Variants in EZH1 observed in about 807,000 individuals in gnomAD.
EZH1 encodes the protein enhancer of zeste 1 polycomb repressive complex 2 subunit, also known as histone-lysine N-methyltransferase EZH1.
In EZH1, 33 loss-of-function variants were observed where a neutral mutation model predicts 100.5. The observed-to-expected ratio is 0.33, with a 90% CI of 0.25 to 0.44. The LOEUF is 0.44. Among genes scored for constraint, EZH1 ranks in the 20% least tolerant of loss-of-function variants. The pLI is 1.00. For missense variants in EZH1, 475 were observed against 928.4 expected, an observed-to-expected ratio of 0.51 and a Z score of 6.35; for synonymous variants, 272 against 313.8, an observed-to-expected ratio of 0.87 and a Z score of 1.41.
chr17:42,718,435 A>G lies in EZH1; in HGVS notation c.931+19T>C. On this transcript the variant is annotated intron_variant, in intron 9 of 20. Transcript: ENST00000428826. This position sits in a 1 kb window ranked among gnomAD's most constrained non-coding sequence, Gnocchi z 4.2. ...GATGGAAGAGAGGAGAGCATTTCAAACAGAGTAGCCCCACTCACGGTGAAG... is the reference window on the plus strand; with the variant it reads ...GATGGAAGAGAGGAGAGCATTTCAAGCAGAGTAGCCCCACTCACGGTGAAG... 6.2e-7 allele frequency: 1 copy of G among 1,612,066 alleles called. No individual in the cohort carries two copies. The highest frequency in any genetic ancestry group is 8.5e-7 in the Non-Finnish European group (1 of 1,179,452).
chr17:42,730,487 CTTTTTTT>C (rs1156867481), intron 2 of EZH1, among the ~76,000 whole-genome samples: 6 of 66,660 alleles, frequency 9.0e-5, no homozygotes, highest in Admixed American at 8.6e-4. Flanking sequence ...AGTATGTATT[CTTTTTTT>C]TTTTTTTTTT....
chr17:42,705,583 G>A (rs561856036), intron 16 of EZH1: 6 of 180,758 alleles, frequency 3.3e-5, no homozygotes, highest in East Asian at 1.6e-4. Flanking sequence ...GCAGTGGTGC[G>A]ATCTCGGCTT....
intron 5 of EZH1, among the ~76,000 whole-genome samples, chr17:42,723,343 C>A (rs1450544342): frequency 6.6e-6 from 1 of 150,980 alleles, no homozygotes. Context: ...CCACTGTACT[C>A]CAGCCTGGCG....
chr17:42,704,958 C>T, intron 17 of EZH1, 130 bp downstream of exon 17: 1 of 804,052 alleles, frequency 1.2e-6, no homozygotes. Context: ...GTGGGATCTC[C>T]CCAAGAGGCC....
chr17:42,737,145 C>A (rs1436556738), intron 1 of EZH1, among the ~76,000 whole-genome samples: 1 of 152,090 alleles, frequency 6.6e-6, no homozygotes, highest in East Asian at 1.9e-4. Context: ...GCCACCGCGC[C>A]GAGCTAATTT....
chr17:42,739,713 G>A (rs1269982911), intron 1 of EZH1, among the ~76,000 whole-genome samples: 1 of 151,870 alleles, frequency 6.6e-6, no homozygotes, highest in Non-Finnish European at 1.5e-5. Flanking sequence ...AGCAACAAGA[G>A]TGAAATTCTG....
intron 2 of EZH1, among the ~76,000 whole-genome samples, chr17:42,729,707 C>A (rs1192057878): frequency 6.6e-6 from 1 of 150,708 alleles, no homozygotes; most frequent in Non-Finnish European, 1.5e-5. Flanking sequence ...CCACTGCACT[C>A]CAGCCTGGGT....
At chr17:42,730,368 A>G (rs375617405) in intron 2 of EZH1, among the ~76,000 whole-genome samples, 1 of 152,124 alleles carries the variant, frequency 6.6e-6, no homozygotes, top group African/African-American at 2.4e-5. Flanking sequence ...AAAGTAGGAT[A>G]TGACAGCAGT....
Position 42,735,147 on chromosome 17 carries a change from G to A in EZH1, c.-102-4229C>T, listed in dbSNP as rs1315451751. 2.6e-5 allele frequency among the ~76,000 whole-genome samples: 4 copies of A among 152,134 alleles called. No homozygotes were observed. In the East Asian group the frequency reaches 7.7e-4, roughly 29 times the overall value. On this transcript the variant is annotated intron_variant, in intron 1 of 20. Coordinates refer to ENST00000428826, the MANE Select transcript of EZH1 (RefSeq NM_001991.5). The stretch of plus-strand genomic sequence containing the variant: ...TCTACAGATGCTGTCGTGTCTGGCT[G>A]GCTGTGGTGGCTCATGCCTGTCATC...
At chr17:42,729,504 G>C (rs1365344060) in intron 2 of EZH1, among the ~76,000 whole-genome samples, 1 of 151,918 alleles carries the variant, frequency 6.6e-6, no homozygotes, top group African/African-American at 2.4e-5. Context: ...CAAGGTGGGT[G>C]GATCTTCTGA....
At chr17:42,710,526 C>G (rs1049991935) in intron 12 of EZH1, among the ~76,000 whole-genome samples, 2 of 151,534 alleles carry the variant, frequency 1.3e-5, no homozygotes, top group Non-Finnish European at 2.9e-5. Context: ...TTCTTGCATA[C>G]AAATCCATAG....
intron 1 of EZH1, among the ~76,000 whole-genome samples, chr17:42,739,136 C>T (rs919162255): frequency 6.6e-6 from 1 of 152,082 alleles, no homozygotes; most frequent in Non-Finnish European, 1.5e-5. Context: ...TAGGGGTGAA[C>T]CTATCCCTGC....
intron 2 of EZH1, among the ~76,000 whole-genome samples, chr17:42,730,484 ATTCT>A (rs999209563): frequency 2.3e-5 from 2 of 87,836 alleles, no homozygotes; most frequent in African/African-American, 8.8e-5. Flanking sequence ...AGAAGTATGT[ATTCT>A]TTTTTTTTTT....
chr17:42,733,863 C>A (rs189627231), intron 1 of EZH1, among the ~76,000 whole-genome samples: 2 of 144,318 alleles, frequency 1.4e-5, no homozygotes, highest in African/African-American at 5.2e-5. Context: ...ATCGATTGAA[C>A]ACAGGAGGTG....
intron 1 of EZH1, among the ~76,000 whole-genome samples, chr17:42,742,476 A>C (rs1249434314): frequency 1.2e-4 from 18 of 152,094 alleles, no homozygotes; most frequent in Non-Finnish European, 4.4e-5. Context: ...TAATGTAACC[A>C]TCATAATGAA....
chr17:42,733,640 CAAAA>C (rs1283971078), intron 1 of EZH1, among the ~76,000 whole-genome samples: 2 of 48,284 alleles, frequency 4.1e-5, no homozygotes, highest in African/African-American at 7.8e-5. Flanking sequence ...GACTCCATCT[CAAAA>C]AAAAAAAAAA....
rs1034685791 is a variant in EZH1, at chr17:42,718,998, T to G, written c.767+107A>C. 8.7e-6 allele frequency: 7 copies of G among 806,020 alleles called. No homozygotes were observed. Among genetic ancestry groups the G allele is most frequent in the Non-Finnish European group, 1.5e-5 (7 of 480,880 alleles). 49.9% of individuals were successfully genotyped at this position (806,020 alleles called of 1,614,324 possible). On this transcript the variant is annotated intron_variant, in intron 8 of 20. Coordinates refer to ENST00000428826, the MANE Select transcript of EZH1 (RefSeq NM_001991.5). This position sits in a 1 kb window ranked among gnomAD's most constrained non-coding sequence, Gnocchi z 4.2. ...AAATAATCAAATTGCGGGCAAATCA[T>G]AATGCCCTTACCATAAACAAAGCTT...
At chr17:42,737,376 G>T (rs2054086034) in intron 1 of EZH1, among the ~76,000 whole-genome samples, 1 of 152,220 alleles carries the variant, frequency 6.6e-6, no homozygotes, top group Non-Finnish European at 1.5e-5. Flanking sequence ...TGAGGCAGGT[G>T]GATCTCTTGG....
At chr17:42,743,757 G>A (rs2054223356) in intron 1 of EZH1, among the ~76,000 whole-genome samples, 1 of 151,860 alleles carries the variant, frequency 6.6e-6, no homozygotes, top group Admixed American at 6.6e-5. Context: ...GAGCCACCGA[G>A]CCCAGTCTAA....
Sources: allele counts gnomAD v4.1 joint callset (sites outside exome capture counted in the v4.1 genomes callset), GRCh38; gene constraint gnomAD v4.1.1; non-coding constraint Gnocchi (gnomAD v3.1); transcripts MANE v1.5; gene names NCBI Gene and HGNC (gene_info 2026-07-23, HGNC 2026-07-21).